Variants in TBC1D31 observed in about 807,000 individuals in gnomAD.
The protein encoded by TBC1D31 is TBC1 domain family member 31.
TBC1D31 carries 99 observed loss-of-function variants against 132.9 expected under a neutral mutation model. The ratio of observed to expected loss-of-function variants is 0.74; its 90% CI spans 0.63 to 0.88. TBC1D31 has a LOEUF of 0.88. TBC1D31 is among the 40% of genes least tolerant of loss of function. The probability of loss-of-function intolerance (pLI) is 0.00; values close to 1 mark genes in which losing one functional copy is unlikely to be tolerated. For missense variants in TBC1D31, 1,134 were observed against 1,256.6 expected, an observed-to-expected ratio of 0.90 and a Z score of 1.48; for synonymous variants, 385 against 419.4, an observed-to-expected ratio of 0.92 and a Z score of 1.00.
At chr8:123,092,055 C>A (rs1417341913) in intron 4 of TBC1D31, among the ~76,000 whole-genome samples, 5 of 152,116 alleles carry the variant, frequency 3.3e-5, no homozygotes, top group Non-Finnish European at 7.3e-5. Context: ...ACTCTTGTTG[C>A]CCAGGCTGGA....
In TBC1D31 at chr8:123,130,246, A is replaced by C; in HGVS notation, c.2319A>C (p.Gln773His). ...RELKVKEMHL[Q>H]DAARRRFLKL... is the part of the protein sequence containing the mutation. The stretch of plus-strand genomic sequence containing the variant: ...TGAAAGTAAAGGAAATGCACTTACA[A>C]GATGCTGCAAGAAGGCGTTTTCTGA... The change falls in exon 16 of 22, where the codon CAA becomes CAC. Residue 773 changes from glutamine to histidine, a missense_variant. Transcript: ENST00000287380. 1 of 1,613,310 alleles carries C rather than the reference A, an allele frequency of 6.2e-7. No individual in the cohort carries two copies. The highest frequency in any genetic ancestry group is 8.5e-7 in the Non-Finnish European group (1 of 1,179,582).
chr8:123,086,095 G>T (rs1037941577), intron 4 of TBC1D31, among the ~76,000 whole-genome samples: 1 of 152,126 alleles, frequency 6.6e-6, no homozygotes, highest in Non-Finnish European at 1.5e-5. Context: ...AGCTCCCATT[G>T]TTATTTTGTC....
intron 16 of TBC1D31, among the ~76,000 whole-genome samples, chr8:123,130,703 C>T (rs1393707794): frequency 4.7e-5 from 7 of 150,362 alleles, no homozygotes; most frequent in African/African-American, 1.7e-4. Flanking sequence ...CTCAGTGCAA[C>T]CTCCGCCTCC....
At chr8:123,085,698 C>A (rs555414382) in intron 4 of TBC1D31, among the ~76,000 whole-genome samples, 1 of 152,142 alleles carries the variant, frequency 6.6e-6, no homozygotes, top group Non-Finnish European at 1.5e-5. Context: ...CGTGAGCCAC[C>A]GCGCCGGGCC....
rs751206441 is a variant in TBC1D31 at position 123,097,390 on chromosome 8, C to T, written c.780C>T (p.Ala260=). Residue 260 remains alanine (A), a synonymous_variant, in exon 6 of 22, where the codon GCC becomes GCT. Transcript: ENST00000287380. ...TCCAGATGCCCACTAAAGTTCGAGCCATTCGCCATCTGGAATTTCTTCCTG... is the reference window on the plus strand; with the variant it reads ...TCCAGATGCCCACTAAAGTTCGAGCTATTCGCCATCTGGAATTTCTTCCTG... ...RIIQMPTKVR[A]IRHLEFLPDS... is the part of the protein sequence containing the mutation. 1.2e-6 allele frequency: 2 copies of T among 1,614,174 alleles called. No individual in the cohort carries two copies. The highest frequency in any genetic ancestry group is 1.7e-6 in the Non-Finnish European group (2 of 1,180,044).
chr8:123,162,959 A>T, the TBC1D31 span, among the ~76,000 whole-genome samples: 1 of 151,854 alleles, frequency 6.6e-6, no homozygotes, highest in Non-Finnish European at 1.5e-5. Context: ...CAGCCTCCTG[A>T]GTAGCTGGGA....
At chr8:123,072,904 G>A in intron 1 of TBC1D31, 58 bp downstream of exon 1, 1 of 1,496,472 alleles carries the variant, frequency 6.7e-7, no homozygotes. Flanking sequence ...GGCGAGGAGG[G>A]GACGCCGGGC....
chr8:123,075,220 T>C (rs11990438), intron 1 of TBC1D31, among the ~76,000 whole-genome samples: 43,139 of 152,118 alleles, frequency 0.28, 6,339 homozygotes, highest in Non-Finnish European at 0.32. Flanking sequence ...CATTTCTGTA[T>C]GTTTATTTTT....
chr8:123,134,649 G>A (rs1323574948), intron 17 of TBC1D31, among the ~76,000 whole-genome samples: 3 of 152,182 alleles, frequency 2.0e-5, no homozygotes, highest in Admixed American at 6.5e-5. Flanking sequence ...TGCCACACAG[G>A]ATTGTAAGGT....
intron 13 of TBC1D31, among the ~76,000 whole-genome samples, chr8:123,127,437 A>G (rs910711397): frequency 3.3e-5 from 5 of 150,626 alleles, no homozygotes; most frequent in Admixed American, 1.3e-4. Context: ...CGCCCAGCTA[A>G]GTTTTTTATA....
At chr8:123,157,973 G>A in the TBC1D31 span, among the ~76,000 whole-genome samples, 1 of 151,260 alleles carries the variant, frequency 6.6e-6, no homozygotes, top group South Asian at 2.1e-4. Flanking sequence ...CATTCCTGTG[G>A]CCAGTGCCCT....
intron 10 of TBC1D31, among the ~76,000 whole-genome samples, chr8:123,116,830 T>C (rs1251610059): frequency 6.6e-6 from 1 of 152,134 alleles, no homozygotes; most frequent in Non-Finnish European, 1.5e-5. Flanking sequence ...TTATAACTTG[T>C]AGAATAAAAT....
intron 19 of TBC1D31, 103 bp downstream of exon 19, chr8:123,142,559 C>T (rs761024857): frequency 7.2e-6 from 7 of 976,090 alleles, no homozygotes; most frequent in Non-Finnish European, 1.0e-5. Flanking sequence ...AATTCAAACT[C>T]GGGGCCTTAA....
chr8:123,098,681 C>A (rs548982649), intron 6 of TBC1D31, among the ~76,000 whole-genome samples: 1 of 152,154 alleles, frequency 6.6e-6, no homozygotes. Flanking sequence ...TTTTTTAAAC[C>A]AGTCTCCTAT....
At chr8:123,089,281 C>T (rs1291545108) in intron 4 of TBC1D31, among the ~76,000 whole-genome samples, 1 of 152,216 alleles carries the variant, frequency 6.6e-6, no homozygotes, top group Non-Finnish European at 1.5e-5. Flanking sequence ...GCACCTCCCT[C>T]AGGGTTGGTT....
At chr8:123,078,875 G>GA (rs1217648478) in intron 2 of TBC1D31, among the ~76,000 whole-genome samples, 2 of 151,290 alleles carry the variant, frequency 1.3e-5, no homozygotes, top group South Asian at 2.1e-4. Context: ...AATTATAGAA[G>GA]AAAAAAAATT....
At chr8:123,150,670 C>T (rs922803261) in intron 21 of TBC1D31, among the ~76,000 whole-genome samples, 4 of 152,084 alleles carry the variant, frequency 2.6e-5, no homozygotes, top group African/African-American at 4.8e-5. Context: ...GATCCCTGGA[C>T]GTGGTTCATT....
At chr8:123,078,092 C>T (rs910819216) in intron 2 of TBC1D31, among the ~76,000 whole-genome samples, 1 of 152,114 alleles carries the variant, frequency 6.6e-6, no homozygotes, top group Admixed American at 6.5e-5. Flanking sequence ...TTCCTCTTCT[C>T]TTCCCTTGTG....
At chr8:123,157,722 C>CAT in the TBC1D31 span, among the ~76,000 whole-genome samples, 4 of 150,964 alleles carry the variant, frequency 2.6e-5, no homozygotes, top group African/African-American at 9.7e-5. Context: ...CGCGCGCGCA[C>CAT]ACACACACAC....
Sources: allele counts gnomAD v4.1 joint callset (sites outside exome capture counted in the v4.1 genomes callset), GRCh38; gene constraint gnomAD v4.1.1; transcripts MANE v1.5; gene names NCBI Gene and HGNC (gene_info 2026-07-23, HGNC 2026-07-21).